The following WRN variants were observed in gnomAD, a reference collection of about 807,000 sequenced individuals.
The protein encoded by WRN is WRN RecQ like helicase.
In WRN, 149 loss-of-function variants were observed where a neutral mutation model predicts 180.7. The observed-to-expected ratio is 0.82, with a 90% CI of 0.72 to 0.94. The LOEUF is 0.94. WRN is among the 40% of genes least tolerant of loss of function. WRN has a pLI of 0.00. For synonymous variants in WRN, 548 were observed against 568.9 expected (o/e 0.96, Z 0.52); for missense variants, 1,661 against 1,700.1 (o/e 0.98, Z 0.40).
chr8:31,091,594 C>A (rs929466130), intron 15 of WRN, among the ~76,000 whole-genome samples: 1 of 152,058 alleles, frequency 6.6e-6, no homozygotes, highest in South Asian at 2.1e-4. Context: ...TCCTTTACCC[C>A]CTGTCATCCC....
chr8:31,166,986 AT>A, intron 33 of WRN, 35 bp from the exon 34 acceptor site: 1 of 1,568,914 alleles, frequency 6.4e-7, no homozygotes. Context: ...ATTCTCTGTA[AT>A]TTATTTTGAA....
chr8:31,046,596 T>TA (rs1403733080), intron 1 of WRN, among the ~76,000 whole-genome samples: 2 of 152,230 alleles, frequency 1.3e-5, no homozygotes, highest in Non-Finnish European at 2.9e-5. Context: ...CTTCTACTGT[T>TA]AGTGTTTTAG....
intron 1 of WRN, among the ~76,000 whole-genome samples, chr8:31,051,325 G>A (rs908260927): frequency 1.5e-4 from 23 of 152,020 alleles, no homozygotes; most frequent in Admixed American, 9.2e-4. Flanking sequence ...TGGAAAATAC[G>A]GTTCTCTTGA....
At chr8:31,048,252 G>A (rs952929401) in intron 1 of WRN, among the ~76,000 whole-genome samples, 2 of 152,178 alleles carry the variant, frequency 1.3e-5, no homozygotes, top group Non-Finnish European at 2.9e-5. Context: ...TGGTCTGTTT[G>A]GAGGGAAGTT....
Position 31,076,363 on chromosome 8 carries a change from G to A in WRN, c.839+76G>A, listed in dbSNP as rs560466547. On this transcript the variant is annotated intron_variant, in intron 8 of 34. Transcript: ENST00000298139. ...TTTATCACATTTTCCTATATGTGAAGAATACTATTCATTAAGGCTGACTCA... is the reference window on the plus strand; with the variant it reads ...TTTATCACATTTTCCTATATGTGAAAAATACTATTCATTAAGGCTGACTCA... 314 of 1,247,084 alleles carry A rather than the reference G, an allele frequency of 2.5e-4. 2 individuals are homozygous for A. In the South Asian group the frequency reaches 3.6e-3, roughly 14 times the overall value. 77.3% of individuals were successfully genotyped at this position (1,247,084 alleles called of 1,614,324 possible).
intron 21 of WRN, among the ~76,000 whole-genome samples, chr8:31,124,029 C>T (rs989000302): frequency 5.3e-5 from 8 of 152,054 alleles, no homozygotes; most frequent in South Asian, 2.1e-4. Flanking sequence ...TTTTGGAGGG[C>T]GAGAAGTCCT....
chr8:31,142,477 C>G (rs1406647836), intron 26 of WRN, 149 bp from the exon 27 acceptor site: 2 of 560,574 alleles, frequency 3.6e-6, no homozygotes. Context: ...GCTTCCAGAG[C>G]TTTTTCTAGA....
intron 29 of WRN, 84 bp downstream of exon 29, chr8:31,147,212 A>C: frequency 3.3e-6 from 5 of 1,526,272 alleles, no homozygotes. Context: ...TTTTGCCAGC[A>C]TTTTAAAAAT....
In WRN at chr8:31,054,745, AATTTT is replaced by A. The variant is rs370931653; in HGVS notation, c.-76-3620_-76-3616del. Among the ~76,000 whole-genome samples, 794 of 152,318 alleles carry A rather than the reference AATTTT, an allele frequency of 5.2e-3. 6 individuals are homozygous for A. Among genetic ancestry groups the A allele is most frequent in the African/African-American group, 0.018 (732 of 41,564 alleles). On this transcript the variant is annotated intron_variant, in intron 1 of 34. Transcript: ENST00000298139. The stretch of plus-strand genomic sequence containing the variant: ...AAAATACATGTTTTTTAAAAACATT[AATTTT>A]ATTTTAAGTTCCAGGATACATGTGC...
chr8:31,065,072 AAT>A lies in WRN; in HGVS notation c.504+19_504+20del. ...ATGTTGCCAATAAAAAGGTAAAAGCAATATATATATAATTTTCATGATGAAGA... is the reference window on the plus strand; with the variant it reads ...ATGTTGCCAATAAAAAGGTAAAAGCAATATATATAATTTTCATGATGAAGA... On this transcript the variant is annotated intron_variant, in intron 5 of 34. Coordinates refer to ENST00000298139, the MANE Select transcript of WRN (RefSeq NM_000553.6). 8 of 1,609,026 alleles carry A rather than the reference AAT, an allele frequency of 5.0e-6. No homozygotes were observed. Among genetic ancestry groups the A allele is most frequent in the South Asian group, 1.1e-5 (1 of 90,380 alleles).
At chr8:31,141,829 G>A in intron 26 of WRN, 54 bp downstream of exon 26, 2 of 1,539,972 alleles carry the variant, frequency 1.3e-6, no homozygotes, top group East Asian at 2.3e-5. Flanking sequence ...TGCTATTTAT[G>A]TGATTCAAAT....
intron 31 of WRN, among the ~76,000 whole-genome samples, chr8:31,151,207 C>G (rs1279483925): frequency 6.6e-6 from 1 of 152,120 alleles, no homozygotes; most frequent in Non-Finnish European, 1.5e-5. Context: ...CTTCCTCCCC[C>G]ACATCCAGGA....
rs533336892 is a variant in WRN at position 31,157,447 on chromosome 8, C to T, written c.3899C>T (p.Pro1300Leu). 3 of 1,614,070 alleles carry T rather than the reference C, an allele frequency of 1.9e-6. No individual in the cohort carries two copies. In the East Asian group the frequency reaches 6.7e-5, roughly 36 times the overall value. Reference protein sequence around the residue: ...HLSQAVKAGCPLDLERAGLTP... With the variant: ...HLSQAVKAGCLLDLERAGLTP... ...TCCCAAGCGGTGAAAGCTGGCTGCC[C>T]CCTTGATTTGGAGCGAGCAGGCCTG... is the stretch of plus-strand genomic sequence containing the variant. Residue 1300 changes from proline to leucine, a missense_variant, in exon 33 of 35, where the codon CCC becomes CTC. Coordinates refer to ENST00000298139, the MANE Select transcript of WRN (RefSeq NM_000553.6).
intron 18 of WRN, 137 bp from the exon 19 acceptor site, chr8:31,111,478 C>CA: frequency 2.0e-6 from 2 of 1,023,172 alleles, no homozygotes; most frequent in Admixed American, 2.6e-5. Flanking sequence ...TTTTTCTTTG[C>CA]AAAAAAATTT....
chr8:31,174,988 C>T lies in WRN; in HGVS notation c.*1886C>T, dbSNP rs933789257. ...TAGTGGGATTACAGGTGTGAGCCACCATGCACAGCCTTACATAAAGCCTTT... is the reference window on the plus strand; with the variant it reads ...TAGTGGGATTACAGGTGTGAGCCACTATGCACAGCCTTACATAAAGCCTTT... On this transcript the variant is annotated 3_prime_UTR_variant, in exon 35 of 35. Coordinates refer to ENST00000298139, the MANE Select transcript of WRN (RefSeq NM_000553.6). 6.6e-5 allele frequency among the ~76,000 whole-genome samples: 10 copies of T among 151,744 alleles called. No individual in the cohort carries two copies. The highest frequency in any genetic ancestry group is 1.3e-4 in the Admixed American group (2 of 15,190).
At chr8:31,172,020 A>G (rs548037525) in intron 34 of WRN, among the ~76,000 whole-genome samples, 218 of 152,298 alleles carry the variant, frequency 1.4e-3, no homozygotes, top group African/African-American at 5.1e-3. Flanking sequence ...TGTTATCCTG[A>G]GGATCTAGTA....
chr8:31,107,318 C>T (rs1473221046), intron 18 of WRN, among the ~76,000 whole-genome samples: 1 of 152,154 alleles, frequency 6.6e-6, no homozygotes, highest in Non-Finnish European at 1.5e-5. Context: ...TAATCCTTTC[C>T]TAGGCCTTTG....
chr8:31,126,565 C>G (rs1391468326), intron 23 of WRN, among the ~76,000 whole-genome samples: 1 of 152,100 alleles, frequency 6.6e-6, no homozygotes, highest in East Asian at 1.9e-4. Flanking sequence ...CCTAAGCTTA[C>G]ATCTTAAGCA....
chr8:31,111,904 A>T, intron 19 of WRN, 105 bp downstream of exon 19: 1 of 1,365,482 alleles, frequency 7.3e-7, no homozygotes. Flanking sequence ...TGCATATTTA[A>T]CATATTTCAA....
Sources: gnomAD v4.1 joint callset for allele counts (sites outside exome capture counted in the v4.1 genomes callset) on GRCh38, gnomAD v4.1.1 for gene constraint, MANE v1.5 for transcripts, NCBI Gene and HGNC (gene_info 2026-07-23, HGNC 2026-07-21) for gene names.